Variants in RAD51B observed in about 807,000 individuals in gnomAD.
RAD51B encodes RAD51 paralog B, also known as DNA repair protein RAD51 homolog 2.
RAD51B carries 38 observed loss-of-function variants against 42.2 expected under a neutral mutation model. The ratio of observed to expected loss-of-function variants is 0.90; its 90% CI spans 0.70 to 1.18. The LOEUF (loss-of-function observed/expected upper bound fraction) is 1.18, where lower values mean the gene tolerates loss of function less well. Among genes scored for constraint, RAD51B ranks in the 50% most tolerant of loss-of-function variants. The pLI is 0.00. For missense variants in RAD51B, 373 were observed against 400.7 expected, an observed-to-expected ratio of 0.93 and a Z score of 0.59; for synonymous variants, 154 against 145.2, an observed-to-expected ratio of 1.06 and a Z score of -0.43.
At chr14:68,669,680 T>A (rs1406460914) in intron 11 of RAD51B, among the ~76,000 whole-genome samples, 1 of 150,584 alleles carries the variant, frequency 6.6e-6, no homozygotes, top group Non-Finnish European at 1.5e-5. Context: ...CCCATTGCAT[T>A]CCCATCACAA....
At position 68,595,707 on chromosome 14, in the gene RAD51B, G is replaced by A. The variant is rs561215453; in HGVS notation, c.*1104G>A. 2.0e-4 allele frequency: 161 copies of A among 802,182 alleles called. 3 individuals carry two copies. In the South Asian group the frequency reaches 3.8e-3, roughly 19 times the overall value. The allele number at this position is 802,182 out of a possible 1,614,324, so 49.7% of individuals were successfully genotyped here. Reference sequence around the variant, plus strand: ...GTATTGGTTAAATTAACATCTATACGATGGAATACTAGATGGTCATTAAAA... The same window carrying A: ...GTATTGGTTAAATTAACATCTATACAATGGAATACTAGATGGTCATTAAAA... On this transcript the variant is annotated 3_prime_UTR_variant, in exon 11 of 11. Transcript: ENST00000487270.
At chr14:67,877,691 G>C (rs2042770901) in intron 5 of RAD51B, among the ~76,000 whole-genome samples, 1 of 152,182 alleles carries the variant, frequency 6.6e-6, no homozygotes, top group Non-Finnish European at 1.5e-5. Context: ...ATTTATTAGA[G>C]ACGAGGTTTC....
chr14:68,559,613 C>T (rs1409485589), intron 10 of RAD51B, among the ~76,000 whole-genome samples: 1 of 152,122 alleles, frequency 6.6e-6, no homozygotes, highest in Non-Finnish European at 1.5e-5. Flanking sequence ...CTCCTGACCT[C>T]ATGTGATCCA....
intron 7 of RAD51B, among the ~76,000 whole-genome samples, chr14:67,995,951 A>G (rs1271300794): frequency 6.6e-6 from 1 of 152,036 alleles, no homozygotes; most frequent in East Asian, 1.9e-4. Context: ...TGCCTTCTCT[A>G]CATTACTGGT....
intron 7 of RAD51B, among the ~76,000 whole-genome samples, chr14:68,075,123 A>G (rs2076811127): frequency 6.6e-6 from 1 of 151,750 alleles, no homozygotes; most frequent in Admixed American, 6.6e-5. Flanking sequence ...AGAAACACAA[A>G]GCTGCCTGAC....
chr14:68,164,924 C>T (rs1372101228), intron 7 of RAD51B, among the ~76,000 whole-genome samples: 1 of 152,200 alleles, frequency 6.6e-6, no homozygotes, highest in Non-Finnish European at 1.5e-5. Context: ...CCTGTTTGCA[C>T]TTATCTATTA....
chr14:68,305,151 A>G (rs995965943), intron 8 of RAD51B, among the ~76,000 whole-genome samples: 1 of 152,218 alleles, frequency 6.6e-6, no homozygotes, highest in Non-Finnish European at 1.5e-5. Flanking sequence ...CACTTGGTAT[A>G]GTTCAAATTT....
chr14:68,494,431 G>A (rs552200832), intron 10 of RAD51B, among the ~76,000 whole-genome samples: 13 of 152,222 alleles, frequency 8.5e-5, no homozygotes, highest in Admixed American at 7.8e-4. Context: ...ATTCCCCGAG[G>A]CACTCTAACA....
intron 7 of RAD51B, among the ~76,000 whole-genome samples, chr14:68,152,749 C>T (rs927706370): frequency 6.6e-6 from 1 of 151,364 alleles, no homozygotes; most frequent in African/African-American, 2.4e-5. Context: ...GCTCCTCCCT[C>T]CTCCCACTCT....
chr14:68,642,101 G>A (rs1383127665), intron 10 of RAD51B, among the ~76,000 whole-genome samples: 1 of 151,998 alleles, frequency 6.6e-6, no homozygotes, highest in Non-Finnish European at 1.5e-5. Context: ...TTGTTATTAG[G>A]GTAATCCTGG....
chr14:68,500,452 C>T (rs1884839581), intron 10 of RAD51B, among the ~76,000 whole-genome samples: 1 of 152,186 alleles, frequency 6.6e-6, no homozygotes, highest in Non-Finnish European at 1.5e-5. Context: ...GGCTCAAGAC[C>T]CACAGAGATG....
chr14:68,154,168 T>C (rs1222653468), intron 7 of RAD51B, among the ~76,000 whole-genome samples: 3 of 152,336 alleles, frequency 2.0e-5, no homozygotes, highest in African/African-American at 7.2e-5. Context: ...GAATTTCACC[T>C]TTTTGGGTGC....
chr14:68,171,098 G>A lies in RAD51B; in HGVS notation c.757-120786G>A, dbSNP rs549782310. Among the ~76,000 whole-genome samples, 14 of 152,288 alleles carry A rather than the reference G, an allele frequency of 9.2e-5. No individual in the cohort carries two copies. The South Asian group carries it at 1.7e-3, about 18-fold the overall frequency. On this transcript the variant is annotated intron_variant, in intron 7 of 10. Transcript: ENST00000471583. The stretch of plus-strand genomic sequence containing the variant: ...GATTTTCTGTGTAAACGGGTAGACA[G>A]GTTCTCAGCCTGATCGAGTCATGTA...
Position 67,886,786 on chromosome 14 carries a change from C to T in RAD51B, c.573-235C>T, listed in dbSNP as rs560178109. ...AAGTAGTTTTACCCCAGAATTGGAGCGTTAACATTATCTTAGGAGAATCAA... is the reference window on the plus strand; with the variant it reads ...AAGTAGTTTTACCCCAGAATTGGAGTGTTAACATTATCTTAGGAGAATCAA... On this transcript the variant is annotated intron_variant, in intron 6 of 10. Coordinates refer to ENST00000471583, the MANE Select transcript of RAD51B (RefSeq NM_133510.4). 5.9e-5 allele frequency: 19 copies of T among 324,024 alleles called. 1 individual carries two copies. Among genetic ancestry groups the T allele is most frequent in the South Asian group, 3.9e-4 (5 of 12,938 alleles). The allele number at this position is 324,024 out of a possible 1,614,324, so 20.1% of individuals were successfully genotyped here.
chr14:68,058,246 T>C (rs986675401), intron 7 of RAD51B, among the ~76,000 whole-genome samples: 1 of 152,210 alleles, frequency 6.6e-6, no homozygotes, highest in African/African-American at 2.4e-5. Context: ...AGTTTCCTGA[T>C]GTTTCTGTCC....
chr14:68,570,800 G>A (rs1339807874), intron 10 of RAD51B, among the ~76,000 whole-genome samples: 1 of 152,014 alleles, frequency 6.6e-6, no homozygotes, highest in African/African-American at 2.4e-5. Flanking sequence ...TATAATTTAA[G>A]ACACTGTGAT....
chr14:67,949,460 A>G (rs2140202695), intron 7 of RAD51B, among the ~76,000 whole-genome samples: 1 of 152,308 alleles, frequency 6.6e-6, no homozygotes, highest in East Asian at 1.9e-4. Context: ...ATTCAGTCAC[A>G]TCTTTAGGCT....
At chr14:68,631,523 T>A (rs1054326988) in intron 10 of RAD51B, among the ~76,000 whole-genome samples, 1 of 152,166 alleles carries the variant, frequency 6.6e-6, no homozygotes, top group South Asian at 2.1e-4. Context: ...TGTGCTAGAA[T>A]GGATGGAACT....
Position 67,974,956 on chromosome 14 carries a change from G to C in RAD51B, c.756+87752G>C, listed in dbSNP as rs531045360. Among the ~76,000 whole-genome samples, 3 of 151,846 alleles carry C rather than the reference G, an allele frequency of 2.0e-5. No individual in the cohort carries two copies. In the South Asian group the frequency reaches 6.2e-4, roughly 32 times the overall value. On this transcript the variant is annotated intron_variant, in intron 7 of 10. Coordinates refer to ENST00000471583, the MANE Select transcript of RAD51B (RefSeq NM_133510.4). ...CTATTTATTTTTGAAATTATTTTTG[G>C]TCTTCAGTGGTAGTGTGCTTTTTTT... is the stretch of plus-strand genomic sequence containing the variant.
Sources: gnomAD v4.1 joint callset for allele counts (sites outside exome capture counted in the v4.1 genomes callset) on GRCh38, gnomAD v4.1.1 for gene constraint, MANE v1.5 for transcripts, NCBI Gene and HGNC (gene_info 2026-07-23, HGNC 2026-07-21) for gene names.